UBE2E2: variants seen among roughly 807,000 people sequenced by gnomAD.
UBE2E2 encodes the protein ubiquitin conjugating enzyme E2 E2, also known as ubiquitin-conjugating enzyme E2 E2.
In UBE2E2, 6 loss-of-function variants were observed where a neutral mutation model predicts 24.7. The ratio of observed to expected loss-of-function variants is 0.24; its 90% CI spans 0.13 to 0.48. The LOEUF is 0.48. Among genes scored for constraint, UBE2E2 ranks in the 20% least tolerant of loss-of-function variants. UBE2E2 has a pLI of 0.99. For missense variants in UBE2E2, 169 were observed against 245.0 expected, an observed-to-expected ratio of 0.69 and a Z score of 2.07; for synonymous variants, 104 against 83.6, an observed-to-expected ratio of 1.24 and a Z score of -1.33.
chr3:23,356,868 C>A (rs1313903318), intron 3 of UBE2E2, among the ~76,000 whole-genome samples: 1 of 152,144 alleles, frequency 6.6e-6, no homozygotes, highest in African/African-American at 2.4e-5. Flanking sequence ...AAAACTGGTC[C>A]CTGGTGCCAA....
At chr3:23,408,017 A>ACC (rs202237553) in intron 3 of UBE2E2, among the ~76,000 whole-genome samples, 2 of 152,236 alleles carry the variant, frequency 1.3e-5, no homozygotes, top group East Asian at 1.9e-4. Context: ...TAAAAAATAC[A>ACC]ATGTCACTGA....
chr3:23,405,475 G>C (rs907845122), intron 3 of UBE2E2, among the ~76,000 whole-genome samples: 1 of 152,122 alleles, frequency 6.6e-6, no homozygotes, highest in Admixed American at 6.5e-5. Context: ...TGGTTAGTAG[G>C]GAGTATGAGT....
intron 5 of UBE2E2, among the ~76,000 whole-genome samples, chr3:23,538,109 A>G (rs937130958): frequency 1.3e-5 from 2 of 151,850 alleles, no homozygotes; most frequent in African/African-American, 4.8e-5. Context: ...TAGCAGGACT[A>G]CAAAAAAAAA....
At chr3:23,219,422 C>T (rs754235077) in intron 3 of UBE2E2, among the ~76,000 whole-genome samples, 3 of 152,136 alleles carry the variant, frequency 2.0e-5, no homozygotes, top group Non-Finnish European at 4.4e-5. Flanking sequence ...TGTAGTTAAT[C>T]TGCCCATCTG....
chr3:23,468,085 T>G (rs1372600449), intron 3 of UBE2E2, among the ~76,000 whole-genome samples: 2 of 152,200 alleles, frequency 1.3e-5, no homozygotes, highest in South Asian at 4.1e-4. Flanking sequence ...ATCAGTAGCC[T>G]TCTTTCCTTG....
At chr3:23,238,761 T>A (rs930457011) in intron 3 of UBE2E2, among the ~76,000 whole-genome samples, 9 of 152,184 alleles carry the variant, frequency 5.9e-5, no homozygotes, top group African/African-American at 2.2e-4. Context: ...CTGAAGGTAG[T>A]TTTATTTCTC....
In UBE2E2 at chr3:23,393,136, G is replaced by A. The variant is rs528747165; in HGVS notation, c.228-106472G>A. Among the ~76,000 whole-genome samples, 13 of 152,128 alleles carry A rather than the reference G, an allele frequency of 8.5e-5. No individual in the cohort carries two copies. The South Asian group carries it at 1.5e-3, about 17-fold the overall frequency. On this transcript the variant is annotated intron_variant, in intron 3 of 5. Transcript: ENST00000396703. ...ATGTATGTGGGGAGCACAACCAGAT[G>A]GCTGTTGAAGGTAAAAGATGATAGC...
intron 3 of UBE2E2, among the ~76,000 whole-genome samples, chr3:23,338,536 A>G (rs1695279350): frequency 6.6e-6 from 1 of 152,150 alleles, no homozygotes; most frequent in African/African-American, 2.4e-5. Flanking sequence ...CCAGTACCAG[A>G]TCTTGGGTTT....
At chr3:23,537,352 G>A (rs1469179085) in intron 5 of UBE2E2, among the ~76,000 whole-genome samples, 1 of 152,164 alleles carries the variant, frequency 6.6e-6, no homozygotes, top group Non-Finnish European at 1.5e-5. Context: ...TCAACACTCA[G>A]GATGGATGAG....
intron 3 of UBE2E2, among the ~76,000 whole-genome samples, chr3:23,264,104 C>T (rs1022027590): frequency 1.3e-5 from 2 of 151,984 alleles, no homozygotes; most frequent in African/African-American, 4.8e-5. Flanking sequence ...GTTTTGCTGT[C>T]GAGAAAATGT....
rs1266901157 is a variant in UBE2E2 at position 23,265,488 on chromosome 3, G to C, written c.227+48176G>C. Among the ~76,000 whole-genome samples, 5 of 152,118 alleles carry C rather than the reference G, an allele frequency of 3.3e-5. No homozygotes were observed. In the South Asian group the frequency reaches 1.0e-3, roughly 32 times the overall value. On this transcript the variant is annotated intron_variant, in intron 3 of 5. Coordinates refer to ENST00000396703, the MANE Select transcript of UBE2E2 (RefSeq NM_152653.4). ...CTCTAAATAAGGCCTGCTGAAGGGG[G>C]ACTAGGGGTAAAACATGGAATAAGC...
intron 3 of UBE2E2, among the ~76,000 whole-genome samples, chr3:23,320,234 C>T (rs547896790): frequency 6.6e-6 from 1 of 152,332 alleles, no homozygotes; most frequent in African/African-American, 2.4e-5. Flanking sequence ...CCCTTCTTCC[C>T]TGTGTCCATT....
chr3:23,267,721 C>T (rs1698090511), intron 3 of UBE2E2, among the ~76,000 whole-genome samples: 1 of 152,010 alleles, frequency 6.6e-6, no homozygotes, highest in African/African-American at 2.4e-5. Flanking sequence ...CAGCATCATC[C>T]TGATACCAAA....
At chr3:23,586,603 C>A (rs1696632975) in intron 5 of UBE2E2, among the ~76,000 whole-genome samples, 1 of 152,114 alleles carries the variant, frequency 6.6e-6, no homozygotes, top group East Asian at 1.9e-4. Flanking sequence ...CAGCCAATAA[C>A]ATGATTTTTT....
intron 4 of UBE2E2, among the ~76,000 whole-genome samples, chr3:23,527,888 C>A (rs1008252037): frequency 1.3e-5 from 2 of 150,300 alleles, no homozygotes; most frequent in East Asian, 2.0e-4. Flanking sequence ...TCAGCTGTAT[C>A]CTTTGTAATA....
chr3:23,545,860 C>T (rs1414353503), intron 5 of UBE2E2, among the ~76,000 whole-genome samples: 8 of 152,136 alleles, frequency 5.3e-5, no homozygotes, highest in Admixed American at 5.2e-4. Flanking sequence ...ACATCTACGG[C>T]AACTTGGATA....
chr3:23,204,854 T>A lies in UBE2E2; in HGVS notation c.-9+1390T>A. 4.1e-6 allele frequency: 3 copies of A among 723,594 alleles called. No homozygotes were observed. The African/African-American group carries it at 5.8e-5, about 14-fold the overall frequency. 44.8% of individuals were successfully genotyped at this position (723,594 alleles called of 1,614,324 possible). ...AGACAGCAAGACATATATGACAGAA[T>A]TAAACGCTTTCCTGTTATAAAAGCT... On this transcript the variant is annotated intron_variant, in intron 1 of 5. Coordinates refer to ENST00000396703, the MANE Select transcript of UBE2E2 (RefSeq NM_152653.4).
intron 3 of UBE2E2, among the ~76,000 whole-genome samples, chr3:23,244,548 AC>A (rs1346540091): frequency 6.6e-6 from 1 of 152,212 alleles, no homozygotes; most frequent in Non-Finnish European, 1.5e-5. Context: ...ATAGCTGAGT[AC>A]TAGAACAATG....
intron 3 of UBE2E2, among the ~76,000 whole-genome samples, chr3:23,252,473 A>G (rs1391334703): frequency 6.6e-6 from 1 of 152,188 alleles, no homozygotes. Context: ...TTTGCCAGTA[A>G]AACAAAACAA....
Sources: gnomAD v4.1 joint callset for allele counts (sites outside exome capture counted in the v4.1 genomes callset) on GRCh38, gnomAD v4.1.1 for gene constraint, MANE v1.5 for transcripts, NCBI Gene and HGNC (gene_info 2026-07-23, HGNC 2026-07-21) for gene names.